The following FMN2 variants were observed in gnomAD, a reference collection of about 807,000 sequenced individuals.
FMN2 encodes formin 2.
FMN2 carries 51 observed loss-of-function variants against 142.3 expected under a neutral mutation model. The observed-to-expected ratio is 0.36, with a 90% CI of 0.29 to 0.45. The LOEUF is 0.45. Among genes scored for constraint, FMN2 ranks in the 20% least tolerant of loss-of-function variants. FMN2 has a pLI of 1.00. For synonymous variants in FMN2, 882 were observed against 869.8 expected, an observed-to-expected ratio of 1.01 and a Z score of -0.25; for missense variants, 1,936 against 2,122.8, an observed-to-expected ratio of 0.91 and a Z score of 1.73.
intron 14 of FMN2, among the ~76,000 whole-genome samples, chr1:240,377,060 A>T (rs1673071989): frequency 6.6e-6 from 1 of 152,172 alleles, no homozygotes; most frequent in African/African-American, 2.4e-5. Context: ...TCATTATCTT[A>T]AAAAAATTTT....
chr1:240,310,973 G>T (rs775008996), intron 8 of FMN2, among the ~76,000 whole-genome samples: 2 of 151,554 alleles, frequency 1.3e-5, no homozygotes, highest in Non-Finnish European at 2.9e-5. Context: ...CCAAAACCTG[G>T]ACATGAATAC....
Position 240,206,824 on chromosome 1 carries a change from G to T in FMN2, c.2012G>T (p.Gly671Val). ...QKEVVDMKSE[G>V]QATVIQQLEQ... ...GAAGTTGTTGACATGAAGTCTGAGG[G>T]ACAGGCCACTGTAATTCAGCAGCTG... The change falls in exon 5 of 18, where the codon GGA (glycine) becomes GTA (valine). Residue 671 changes from glycine to valine, a missense_variant. By Grantham distance (109) the Gly-to-Val change is moderately radical. Around this residue, in one of 8 missense-constraint regions of FMN2, gnomAD observed 478 missense variants for 462.8 expected, o/e 1.03. Transcript: ENST00000319653. 1.2e-6 allele frequency: 2 copies of T among 1,612,932 alleles called. No individual in the cohort carries two copies. The highest frequency in any genetic ancestry group is 1.7e-6 in the Non-Finnish European group (2 of 1,179,036).
At chr1:240,342,704 TTTAGA>T (rs1224557751) in intron 13 of FMN2, among the ~76,000 whole-genome samples, 1 of 152,150 alleles carries the variant, frequency 6.6e-6, no homozygotes, top group African/African-American at 2.4e-5. Context: ...ATTTATGAAA[TTTAGA>T]TTAGTAAAGA....
chr1:240,179,366 T>G (rs546063877), intron 3 of FMN2: 1 of 152,170 alleles, frequency 6.6e-6, no homozygotes, highest in Non-Finnish European at 1.5e-5. Flanking sequence ...GCCTTTTTTC[T>G]TTCCACTGAT....
intron 1 of FMN2, among the ~76,000 whole-genome samples, chr1:240,097,974 AT>A (rs1437796001): frequency 1.3e-5 from 2 of 152,128 alleles, no homozygotes; most frequent in Non-Finnish European, 2.9e-5. Flanking sequence ...TGTTGTTAAT[AT>A]GTATAAGATG....
At chr1:240,128,088 G>T (rs1028662692) in intron 2 of FMN2, among the ~76,000 whole-genome samples, 2 of 152,108 alleles carry the variant, frequency 1.3e-5, no homozygotes, top group African/African-American at 4.8e-5. Flanking sequence ...TTTGGGAGGA[G>T]GATATAAGGA....
chr1:240,291,375 G>A lies in FMN2; in HGVS notation c.4154-3447G>A, dbSNP rs572471662. 1.1e-4 allele frequency among the ~76,000 whole-genome samples: 17 copies of A among 152,050 alleles called. No individual in the cohort carries two copies. In the South Asian group the frequency reaches 3.5e-3, roughly 32 times the overall value. On this transcript the variant is annotated intron_variant, in intron 7 of 17. Transcript: ENST00000319653. ...ACTGCATTGTAGACCTGCAGGGGGT[G>A]GGTGGGGGTGGGAATTGTAAAGAGT...
intron 3 of FMN2, 49 bp from the exon 4 acceptor site, chr1:240,188,158 G>A: frequency 6.4e-7 from 1 of 1,561,596 alleles, no homozygotes; most frequent in Non-Finnish European, 8.8e-7. Flanking sequence ...TGAAGAAATA[G>A]GAAAATTGTC....
intron 15 of FMN2, among the ~76,000 whole-genome samples, chr1:240,399,556 C>T (rs1188382715): frequency 1.3e-5 from 2 of 152,142 alleles, no homozygotes; most frequent in Non-Finnish European, 2.9e-5. Flanking sequence ...TAGGAGCTTC[C>T]ACTCTCCCAA....
Position 240,092,797 on chromosome 1 carries a change from G to A in FMN2, c.688G>A (p.Glu230Lys), listed in dbSNP as rs1244766156. 1.9e-6 allele frequency: 3 copies of A among 1,592,234 alleles called. No homozygotes were observed. The highest frequency in any genetic ancestry group is 1.7e-6 in the Non-Finnish European group (2 of 1,169,862). The part of the protein sequence containing the change: ...QQQQQQLQGA[E>K]EPAAPPTAVS... ...GCAGCAGCAGCAGCTCCAGGGCGCC[G>A]AGGAGCCTGCAGCGCCCCCCACTGC... The change falls in exon 1 of 18, where the codon GAG becomes AAG. Residue 230 changes from glutamate (E) to lysine (K), a missense_variant. Glu to Lys is a moderately conservative substitution (Grantham distance 56). Coordinates refer to ENST00000319653, the MANE Select transcript of FMN2 (RefSeq NM_020066.5).
At chr1:240,212,917 C>G (rs956661366) in intron 6 of FMN2, among the ~76,000 whole-genome samples, 6 of 152,128 alleles carry the variant, frequency 3.9e-5, no homozygotes, top group African/African-American at 1.4e-4. Context: ...CTCCTTACTT[C>G]CAGCACCCCT....
intron 16 of FMN2, among the ~76,000 whole-genome samples, chr1:240,452,931 A>G (rs113008241): frequency 6.6e-6 from 1 of 152,172 alleles, no homozygotes; most frequent in Non-Finnish European, 1.5e-5. Flanking sequence ...TTCGTTTTAC[A>G]AAGGCTGAAT....
intron 15 of FMN2, among the ~76,000 whole-genome samples, chr1:240,394,804 C>T (rs796238709): frequency 1.8e-4 from 27 of 152,082 alleles, no homozygotes; most frequent in African/African-American, 6.3e-4. Flanking sequence ...CCCGTCTCTA[C>T]TAAAAATACA....
chr1:240,140,407 A>C (rs1663130993), intron 2 of FMN2, among the ~76,000 whole-genome samples: 1 of 152,148 alleles, frequency 6.6e-6, no homozygotes, highest in South Asian at 2.1e-4. Flanking sequence ...CCTTGCTTTG[A>C]AGTTCCATTA....
chr1:240,457,120 C>G (rs529516843), intron 16 of FMN2, among the ~76,000 whole-genome samples: 2 of 152,252 alleles, frequency 1.3e-5, no homozygotes, highest in East Asian at 3.9e-4. Flanking sequence ...TCTCAACTTA[C>G]CACTTCCCAA....
chr1:240,211,576 A>G (rs931226685), intron 6 of FMN2, among the ~76,000 whole-genome samples: 1 of 152,234 alleles, frequency 6.6e-6, no homozygotes, highest in Admixed American at 6.5e-5. Context: ...ATGGAAAGAA[A>G]GGAAAGAGTG....
At chr1:240,318,871 T>C (rs1670876790) in intron 8 of FMN2, among the ~76,000 whole-genome samples, 1 of 152,108 alleles carries the variant, frequency 6.6e-6, no homozygotes, top group Admixed American at 6.6e-5. Context: ...TATGAGTAGA[T>C]GTTTAGGATA....
At chr1:240,271,770 A>AATTTG (rs1182577518) in intron 7 of FMN2, among the ~76,000 whole-genome samples, 15 of 152,078 alleles carry the variant, frequency 9.9e-5, no homozygotes, top group African/African-American at 3.6e-4. Flanking sequence ...TTAATATGAG[A>AATTTG]ATTTGTTTTA....
At chr1:240,384,516 G>A (rs1673349286) in intron 14 of FMN2, among the ~76,000 whole-genome samples, 6 of 151,866 alleles carry the variant, frequency 4.0e-5, no homozygotes, top group Admixed American at 3.9e-4. Context: ...TTGCTTCTGT[G>A]TCTTTTTTCC....
Sources: allele counts gnomAD v4.1 joint callset (sites outside exome capture counted in the v4.1 genomes callset), GRCh38; gene constraint gnomAD v4.1.1; regional missense constraint gnomAD v4.1.1; transcripts MANE v1.5; gene names NCBI Gene and HGNC (gene_info 2026-07-23, HGNC 2026-07-21).